BTNL3: variants seen among roughly 807,000 people sequenced by gnomAD.
The protein encoded by BTNL3 is butyrophilin like 3.
A neutral mutation model predicts 40.1 loss-of-function variants in BTNL3; 20 were observed. The observed-to-expected ratio is 0.50, with a 90% confidence interval of 0.35 to 0.72. The LOEUF (loss-of-function observed/expected upper bound fraction) is 0.72. BTNL3 is among the 30% of genes least tolerant of loss of function. BTNL3 has a pLI of 0.01. For synonymous variants in BTNL3, 179 were observed against 222.1 expected (o/e 0.81, Z 1.73); for missense variants, 449 against 582.2 (o/e 0.77, Z 2.35).
At chr5:181,004,090 C>G in intron 5 of BTNL3, 1 of 1,421,578 alleles carries the variant, frequency 7.0e-7, no homozygotes, top group Non-Finnish European at 9.5e-7. Context: ...GAAGTCCCCA[C>G]AAATTGTCTG....
chr5:181,002,961 C>T (rs1760149539), intron 4 of BTNL3, among the ~76,000 whole-genome samples, 176 bp downstream of exon 4: 1 of 136,206 alleles, frequency 7.3e-6, no homozygotes, highest in Admixed American at 7.8e-5. Context: ...CCTGAAATGG[C>T]TCCTTCAGAA....
chr5:181,003,040 G>A (rs914513248), intron 4 of BTNL3, among the ~76,000 whole-genome samples: 1 of 135,476 alleles, frequency 7.4e-6, no homozygotes, highest in African/African-American at 2.5e-5. Flanking sequence ...TTGATTTTCA[G>A]TACATAAAGA....
At chr5:181,002,023 T>C (rs1760120673) in intron 3 of BTNL3, among the ~76,000 whole-genome samples, 1 of 134,820 alleles carries the variant, frequency 7.4e-6, no homozygotes, top group Non-Finnish European at 1.7e-5. Context: ...AATTCCAAAG[T>C]TTATGTGGCA....
In BTNL3 at chr5:181,002,471, A is replaced by AATATATATATATATAT. The variant is rs56895500; in HGVS notation, c.674-182_674-167dup. 4.3e-3 allele frequency among the ~76,000 whole-genome samples: 318 copies of AATATATATATATATAT among 73,794 alleles called. 3 individuals carry two copies. Among genetic ancestry groups the AATATATATATATATAT allele is most frequent in the Non-Finnish European group, 6.3e-3 (213 of 33,558 alleles). 48.4% of individuals were successfully genotyped at this position (73,794 alleles called of 152,430 possible). ...TAACGCGCACACACACACACACGTG[A>AATATATATATATATAT]ATATATATATATATATATATATATA... On this transcript the variant is annotated intron_variant, in intron 3 of 7. Transcript: ENST00000342868.
intron 6 of BTNL3, 27 bp from the exon 7 acceptor site, chr5:181,004,709 C>G: frequency 6.2e-7 from 1 of 1,614,196 alleles, no homozygotes; most frequent in East Asian, 2.2e-5. Context: ...GAGCACGGAA[C>G]TGCCTGCTCT....
Position 181,005,667 on chromosome 5 carries a change from C to T in BTNL3, c.1196C>T (p.Pro399Leu), listed in dbSNP as rs1375456526. ...TTCAATCCCCATTTTATCAGCCTCC[C>T]CCCCAGCACCCCTCCTACACGAGTA... ...FTFNPHFISLPPSTPPTRVGV... is the reference protein window; with the variant it reads ...FTFNPHFISLLPSTPPTRVGV... The change falls in exon 8 of 8, where the codon CCC becomes CTC. Residue 399 changes from proline (P) to leucine (L), a missense_variant. By Grantham distance (98) the Pro-to-Leu change is moderately conservative. This residue lies in a region of BTNL3 where 126 missense variants were observed against 117.2 expected (regional missense o/e 1.07). Transcript: ENST00000342868. 6.2e-7 allele frequency: 1 copy of T among 1,614,062 alleles called. No homozygotes were observed. The highest frequency in any genetic ancestry group is 8.5e-7 in the Non-Finnish European group (1 of 1,180,012).
At chr5:180,998,471 A>G (rs1423718434) in intron 3 of BTNL3, among the ~76,000 whole-genome samples, 1 of 137,280 alleles carries the variant, frequency 7.3e-6, no homozygotes. Context: ...CTAAAAATTA[A>G]TAAGTCTGAA....
intron 3 of BTNL3, among the ~76,000 whole-genome samples, chr5:181,001,478 T>A (rs951115778): frequency 4.3e-5 from 5 of 115,738 alleles, no homozygotes; most frequent in East Asian, 2.4e-4. Flanking sequence ...TAATTTTTTT[T>A]AATTTTAAAT....
At chr5:180,991,147 C>T (rs537916097) in intron 1 of BTNL3, among the ~76,000 whole-genome samples, 1 of 137,120 alleles carries the variant, frequency 7.3e-6, no homozygotes. Flanking sequence ...AGGAGCAGGG[C>T]CTCAACATCT....
intron 3 of BTNL3, among the ~76,000 whole-genome samples, chr5:181,001,500 T>TGGGG (rs200023935): frequency 0.042 from 4,869 of 115,682 alleles, 391 homozygotes; most frequent in African/African-American, 0.1. Flanking sequence ...TTTTTATAGA[T>TGGGG]GGGGGGGGGT....
chr5:180,989,798 C>T (rs1759945213), intron 1 of BTNL3, among the ~76,000 whole-genome samples: 1 of 136,696 alleles, frequency 7.3e-6, no homozygotes, highest in Admixed American at 7.7e-5. Flanking sequence ...CAGTTCCATC[C>T]TGCTATTTGT....
At position 181,005,849 on chromosome 5, in the gene BTNL3, A is replaced by C. The variant is rs544104208; in HGVS notation, c.1378A>C (p.Ile460Leu). The change falls in exon 8 of 8, where the codon ATA (isoleucine) becomes CTA (leucine). Residue 460 changes from isoleucine to leucine, a missense_variant. Ile to Leu is a conservative substitution (Grantham distance 5, BLOSUM62 2). Around this residue, in one of 2 missense-constraint regions of BTNL3, gnomAD observed 126 missense variants for 117.2 expected, o/e 1.07. Coordinates refer to ENST00000342868, the MANE Select transcript of BTNL3 (RefSeq NM_197975.3). ...CGAGGAAAAGGGGACTCCCATATTC[A>C]TATGTCCAGTGTCCTGGGGATGAGA... Reference protein sequence around the residue: ...YDEEKGTPIFICPVSWG With the variant: ...YDEEKGTPIFLCPVSWG 1.2e-6 allele frequency: 2 copies of C among 1,610,116 alleles called. No individual in the cohort carries two copies. The highest frequency in any genetic ancestry group is 2.7e-5 in the African/African-American group (2 of 74,956).
chr5:181,005,702 C>T lies in BTNL3; in HGVS notation c.1231C>T (p.Leu411=). The T allele has an allele frequency of 1.2e-6, 2 of 1,614,130 alleles. No homozygotes were observed. The highest frequency in any genetic ancestry group is 1.7e-6 in the Non-Finnish European group (2 of 1,180,018). ...STPPTRVGVF[L]DYEGGTISFF... is the part of the protein sequence containing the mutation. ...CCCTCCTACACGAGTAGGGGTCTTC[C>T]TGGACTATGAGGGTGGGACCATCTC... Residue 411 remains leucine, a synonymous_variant, in exon 8 of 8, where the codon CTG becomes TTG. Coordinates refer to ENST00000342868, the MANE Select transcript of BTNL3 (RefSeq NM_197975.3).
At position 180,993,110 on chromosome 5, in the gene BTNL3, TCA is replaced by T. The variant is rs770160812; in HGVS notation, c.348_349del (p.Phe116LeufsTer7). On this transcript the variant is annotated frameshift_variant, in exon 2 of 8. Transcript: ENST00000342868. LOFTEE classifies it high-confidence loss of function. ...GACATCGGCCTGTATGGGTGCTGGT[TCA>T]GTTCCCAGATTTACGATGAGGAGGC... is the stretch of plus-strand genomic sequence containing the variant. The T allele has an allele frequency of 1.2e-5, 17 of 1,450,144 alleles. 3 individuals carry two copies. In the African/African-American group the frequency reaches 2.3e-4, roughly 20 times the overall value. The allele number at this position is 1,450,144 out of a possible 1,614,324, so 89.8% of individuals were successfully genotyped here. A position where few individuals can be genotyped will look rare whatever the true frequency, so the allele number is the denominator to read the frequency against.
intron 6 of BTNL3, 133 bp downstream of exon 6, chr5:181,004,576 T>C: frequency 6.5e-7 from 1 of 1,539,700 alleles, no homozygotes. Context: ...TTGCAGATTC[T>C]GGGGGAGGTG....
chr5:180,997,089 T>TGAGAGA, intron 2 of BTNL3, 124 bp from the exon 3 acceptor site: 1 of 1,109,296 alleles, frequency 9.0e-7, no homozygotes, highest in Non-Finnish European at 1.3e-6. Context: ...TGTGTGTGTG[T>TGAGAGA]GAGAGAGAGA....
intron 2 of BTNL3, among the ~76,000 whole-genome samples, chr5:180,996,747 G>A (rs1308469624): frequency 7.3e-6 from 1 of 136,654 alleles, no homozygotes; most frequent in Admixed American, 7.8e-5. Context: ...GGGTGCAAAT[G>A]TCATCTCCAG....
intron 3 of BTNL3, among the ~76,000 whole-genome samples, chr5:180,998,984 G>A (rs746806340): frequency 2.2e-5 from 3 of 135,932 alleles, no homozygotes; most frequent in African/African-American, 5.1e-5. Context: ...AAAATTAGCC[G>A]GGTGTGGTGG....
chr5:180,994,979 G>A (rs1486052206), intron 2 of BTNL3, among the ~76,000 whole-genome samples: 1 of 134,798 alleles, frequency 7.4e-6, no homozygotes, highest in African/African-American at 2.5e-5. Flanking sequence ...AGTAGAGACG[G>A]GGTTTCACCG....
Sources: gnomAD v4.1 joint callset for allele counts (sites outside exome capture counted in the v4.1 genomes callset) on GRCh38, gnomAD v4.1.1 for gene constraint, gnomAD v4.1.1 regional missense constraint, MANE v1.5 for transcripts, NCBI Gene and HGNC (gene_info 2026-07-23, HGNC 2026-07-21) for gene names.